CFAP20: variants seen among roughly 807,000 people sequenced by gnomAD.
CFAP20 encodes cilia and flagella associated protein 20, also known as cilia- and flagella-associated protein 20.
Under a neutral mutation model 25.5 loss-of-function variants are expected in CFAP20, and 14 were observed. That is an observed-to-expected ratio of 0.55 (90% CI 0.36 to 0.86). The LOEUF is 0.86. CFAP20 is among the 40% of genes least tolerant of loss of function. The pLI is 0.01. For missense variants in CFAP20, 181 were observed against 248.0 expected (o/e 0.73, Z 1.81); for synonymous variants, 75 against 91.1 (o/e 0.82, Z 1.01).
chr16:58,117,115 C>T (rs756802781), intron 1 of CFAP20, 164 bp from the exon 2 acceptor site: 9 of 576,076 alleles, frequency 1.6e-5, no homozygotes, highest in East Asian at 2.9e-5. Flanking sequence ...GACAGGGTCA[C>T]ACCAACCACC....
intron 5 of CFAP20, among the ~76,000 whole-genome samples, chr16:58,114,345 T>A (rs1366656608): frequency 6.6e-6 from 1 of 152,084 alleles, no homozygotes; most frequent in Non-Finnish European, 1.5e-5. Flanking sequence ...CTGGCCAGCA[T>A]GGTGAAACCC....
chr16:58,128,292 G>A (rs1347336079), intron 1 of CFAP20, among the ~76,000 whole-genome samples: 3 of 152,120 alleles, frequency 2.0e-5, no homozygotes, highest in Non-Finnish European at 2.9e-5. Flanking sequence ...GCCTGTACTT[G>A]GCTCTGAGTT....
intron 1 of CFAP20, among the ~76,000 whole-genome samples, chr16:58,124,626 T>C (rs1436603139): frequency 6.6e-6 from 1 of 152,140 alleles, no homozygotes; most frequent in Non-Finnish European, 1.5e-5. Flanking sequence ...ATAGAAAAGG[T>C]ACAGTACTGT....
At chr16:58,114,787 T>C (rs538589729) in intron 5 of CFAP20, 23 bp downstream of exon 5, 1 of 1,579,062 alleles carries the variant, frequency 6.3e-7, no homozygotes, top group Admixed American at 1.7e-5. Flanking sequence ...TGGTGGACCT[T>C]CCTCTGGGGA....
chr16:58,126,776 T>C (rs1349709343), intron 1 of CFAP20, among the ~76,000 whole-genome samples: 1 of 152,200 alleles, frequency 6.6e-6, no homozygotes, highest in Non-Finnish European at 1.5e-5. Context: ...GATAAGTACA[T>C]CAATTCCCAG....
Position 58,129,334 on chromosome 16 carries a change from A to C in CFAP20, c.-219T>G, listed in dbSNP as rs1960678906. ...CTCCTAAGCTGCGAGCTCAGAACGGAAACCACAGCAACTACCGTCCGCGCC... is the reference window on the plus strand; with the variant it reads ...CTCCTAAGCTGCGAGCTCAGAACGGCAACCACAGCAACTACCGTCCGCGCC... On this transcript the variant is annotated 5_prime_UTR_variant, in exon 1 of 6. Transcript: ENST00000262498. 1.9e-6 allele frequency: 1 copy of C among 537,646 alleles called. No individual in the cohort carries two copies. The highest frequency in any genetic ancestry group is 3.0e-5 in the East Asian group (1 of 32,788). 33.3% of individuals were successfully genotyped at this position (537,646 alleles called of 1,614,324 possible).
intron 4 of CFAP20, 30 bp downstream of exon 4, chr16:58,115,239 C>G: frequency 6.2e-7 from 1 of 1,613,580 alleles, no homozygotes; most frequent in Non-Finnish European, 8.5e-7. Context: ...TATCCCCAAC[C>G]CAGGGCTCTA....
At chr16:58,128,829 A>ACC (rs1567449973) in intron 1 of CFAP20, among the ~76,000 whole-genome samples, 1 of 57,304 alleles carries the variant, frequency 1.7e-5, no homozygotes, top group Admixed American at 1.8e-4. Context: ...ACCCACATGC[A>ACC]CCGCCCCCCC....
chr16:58,115,723 C>T, intron 3 of CFAP20: 1 of 546,844 alleles, frequency 1.8e-6, no homozygotes, highest in South Asian at 2.2e-5. Context: ...TATAAATGTT[C>T]TTCCTTTTGA....
At chr16:58,116,283 G>A (rs1960457349) in intron 2 of CFAP20, 131 bp from the exon 3 acceptor site, 2 of 604,116 alleles carry the variant, frequency 3.3e-6, no homozygotes, top group South Asian at 5.2e-5. Flanking sequence ...GCCACCCAGT[G>A]AATCCCTCAG....
At chr16:58,116,290 TC>T (rs1960457453) in intron 2 of CFAP20, 138 bp from the exon 3 acceptor site, 1 of 597,788 alleles carries the variant, frequency 1.7e-6, no homozygotes, top group Admixed American at 3.0e-5. Flanking sequence ...AGTGAATCCC[TC>T]AGCCCTAAGT....
intron 3 of CFAP20, 73 bp from the exon 4 acceptor site, chr16:58,115,530 A>C (rs1960446370): frequency 6.5e-7 from 1 of 1,530,202 alleles, no homozygotes; most frequent in East Asian, 2.4e-5. Flanking sequence ...CCAGACAAGG[A>C]CCTGAATTCC....
chr16:58,118,381 G>A (rs542107938), intron 1 of CFAP20, among the ~76,000 whole-genome samples: 1 of 152,058 alleles, frequency 6.6e-6, no homozygotes, highest in Admixed American at 6.5e-5. Flanking sequence ...TACTTGGGAG[G>A]CTAAGGTGGG....
At chr16:58,125,138 CT>C (rs1960595369) in intron 1 of CFAP20, among the ~76,000 whole-genome samples, 1 of 152,112 alleles carries the variant, frequency 6.6e-6, no homozygotes, top group Admixed American at 6.5e-5. Flanking sequence ...ACTTTTTAAA[CT>C]TTTTTGTTAA....
At chr16:58,119,689 G>C (rs1462334311) in intron 1 of CFAP20, among the ~76,000 whole-genome samples, 1 of 152,192 alleles carries the variant, frequency 6.6e-6, no homozygotes, top group Non-Finnish European at 1.5e-5. Context: ...TTTGAATTCT[G>C]GGCCCCTTTC....
chr16:58,123,700 C>G lies in CFAP20; in HGVS notation c.84+5332G>C, dbSNP rs150897441. Among the ~76,000 whole-genome samples the G allele has an allele frequency of 3.2e-3, 470 of 147,052 alleles. 13 individuals are homozygous for G. In the East Asian group the frequency reaches 0.081, roughly 25 times the overall value. On this transcript the variant is annotated intron_variant, in intron 1 of 5. Coordinates refer to ENST00000262498, the MANE Select transcript of CFAP20 (RefSeq NM_013242.3). ...AACCTCCTGGTATTTTCCTTACAAC[C>G]AGAAGTAATGTTTACATTAAACGTA...
chr16:58,117,165 G>A, intron 1 of CFAP20: 2 of 542,640 alleles, frequency 3.7e-6, no homozygotes, highest in Non-Finnish European at 3.3e-6. Flanking sequence ...TAAATCTGGG[G>A]AAACTTCTCC....
intron 1 of CFAP20, among the ~76,000 whole-genome samples, chr16:58,126,333 CAG>C (rs1171799843): frequency 2.0e-5 from 3 of 152,164 alleles, no homozygotes; most frequent in African/African-American, 7.2e-5. Context: ...CTGTGAGCTT[CAG>C]AGAGTCAAAT....
At chr16:58,122,756 G>A (rs1160055452) in intron 1 of CFAP20, among the ~76,000 whole-genome samples, 1 of 152,066 alleles carries the variant, frequency 6.6e-6, no homozygotes, top group Non-Finnish European at 1.5e-5. Context: ...TATCAACAAG[G>A]CATGCTAACT....
Sources: allele counts gnomAD v4.1 joint callset (sites outside exome capture counted in the v4.1 genomes callset), GRCh38; gene constraint gnomAD v4.1.1; transcripts MANE v1.5; gene names NCBI Gene and HGNC (gene_info 2026-07-23, HGNC 2026-07-21).